SLC9A5: variants seen among roughly 807,000 people sequenced by gnomAD.
SLC9A5 encodes the protein solute carrier family 9 member A5.
SLC9A5 carries 52 observed loss-of-function variants against 91.7 expected under a neutral mutation model. That is an observed-to-expected ratio of 0.57 (90% confidence interval 0.45 to 0.71). The LOEUF (loss-of-function observed/expected upper bound fraction) is 0.71, where lower values mean the gene tolerates loss of function less well. Among genes scored for constraint, SLC9A5 ranks in the 30% least tolerant of loss-of-function variants. The probability of loss-of-function intolerance (pLI) is 0.00; values close to 1 mark genes in which losing one functional copy is unlikely to be tolerated. For missense variants in SLC9A5, 871 were observed against 1,158.9 expected (o/e 0.75, Z 3.61); for synonymous variants, 419 against 474.5 (o/e 0.88, Z 1.52).
At chr16:67,265,196 G>A (rs915735726) in intron 14 of SLC9A5, 90 bp downstream of exon 14, 1 of 1,259,472 alleles carries the variant, frequency 7.9e-7, no homozygotes, top group Non-Finnish European at 1.2e-6. Context: ...ACCCGCTGTA[G>A]GGTGCATTCA....
At position 67,252,420 on chromosome 16, in the gene SLC9A5, A is replaced by T; in HGVS notation, c.188-122A>T. 1 of 866,180 alleles carries T rather than the reference A, an allele frequency of 1.2e-6. No individual in the cohort carries two copies. Among genetic ancestry groups the T allele is most frequent in the Non-Finnish European group, 1.8e-6 (1 of 557,802 alleles). The allele number at this position is 866,180 out of a possible 1,614,324, so 53.7% of individuals were successfully genotyped here. ...AGCTGAGATTGTGCTACTGCACTCC[A>T]GCTTGGGCAACAGAGTGAGACTTCA... is the stretch of plus-strand genomic sequence containing the variant. On this transcript the variant is annotated intron_variant, in intron 1 of 15. Coordinates refer to ENST00000299798, the MANE Select transcript of SLC9A5 (RefSeq NM_004594.3). This position sits in a 1 kb window ranked among gnomAD's most constrained non-coding sequence, Gnocchi z 4.0.
Position 67,252,484 on chromosome 16 carries a change from CTG to C in SLC9A5, c.188-51_188-50del. 3 of 1,448,292 alleles carry C rather than the reference CTG, an allele frequency of 2.1e-6. No homozygotes were observed. Among genetic ancestry groups the C allele is most frequent in the Non-Finnish European group, 9.4e-7 (1 of 1,065,356 alleles). 89.7% of individuals were successfully genotyped at this position (1,448,292 alleles called of 1,614,324 possible). ...AAAACAAAACTGGGAGTTCATAGGC[CTG>C]TGTGTGGGAGGATATTCCATAAACT... On this transcript the variant is annotated intron_variant, in intron 1 of 15. Coordinates refer to ENST00000299798, the MANE Select transcript of SLC9A5 (RefSeq NM_004594.3). This position sits in a 1 kb window ranked among gnomAD's most constrained non-coding sequence, Gnocchi z 4.0.
intron 15 of SLC9A5, among the ~76,000 whole-genome samples, chr16:67,268,074 C>T (rs1597365284): frequency 1.3e-5 from 2 of 151,702 alleles, no homozygotes; most frequent in East Asian, 1.9e-4. Flanking sequence ...TGCAGTGGTG[C>T]GATCATAGCT....
Position 67,258,484 on chromosome 16 carries a change from G to C in SLC9A5, c.1626+37G>C. On this transcript the variant is annotated intron_variant, in intron 10 of 15. Coordinates refer to ENST00000299798, the MANE Select transcript of SLC9A5 (RefSeq NM_004594.3). The surrounding 1 kb of genome is among the most constrained non-coding windows in gnomAD (Gnocchi z 4.5). ...GCTTCCAGGTGGGCCAGTGGTGGGT[G>C]GGCAGATGGTCAGCAGAGCAGGACA... is the stretch of plus-strand genomic sequence containing the variant. 6.2e-7 allele frequency: 1 copy of C among 1,613,138 alleles called. No homozygotes were observed. Among genetic ancestry groups the C allele is most frequent in the African/African-American group, 1.3e-5 (1 of 75,038 alleles).
At position 67,255,375 on chromosome 16, in the gene SLC9A5, T is replaced by G. The variant is rs761376110; in HGVS notation, c.655-18T>G. On this transcript the variant is annotated intron_variant, in intron 3 of 15. Coordinates refer to ENST00000299798, the MANE Select transcript of SLC9A5 (RefSeq NM_004594.3). The surrounding 1 kb of genome is among the most constrained non-coding windows in gnomAD (Gnocchi z 4.9). ...GCTGCCTTCCCGCCTCACTGCTGACTCTCCTCTTCTCGCTCAGGTGCTGTA... is the reference window on the plus strand; with the variant it reads ...GCTGCCTTCCCGCCTCACTGCTGACGCTCCTCTTCTCGCTCAGGTGCTGTA... The G allele has an allele frequency of 6.2e-7, 1 of 1,604,252 alleles. No individual in the cohort carries two copies.
chr16:67,256,897 C>G lies in SLC9A5; in HGVS notation c.1133-14C>G. On this transcript the variant is annotated splice_polypyrimidine_tract_variant and intron_variant, in intron 6 of 15. Coordinates refer to ENST00000299798, the MANE Select transcript of SLC9A5 (RefSeq NM_004594.3). The surrounding 1 kb of genome is among the most constrained non-coding windows in gnomAD (Gnocchi z 4.1). ...CCCAACGCTTTGCTCCCACTGGCCT[C>G]CCTCCCGCTGTAGGCGTAGTCCTGC... 6.2e-7 allele frequency: 1 copy of G among 1,612,758 alleles called. No homozygotes were observed. The highest frequency in any genetic ancestry group is 1.1e-5 in the South Asian group (1 of 90,998).
chr16:67,260,269 C>T (rs1026419757), intron 12 of SLC9A5, among the ~76,000 whole-genome samples: 2 of 148,862 alleles, frequency 1.3e-5, no homozygotes, highest in African/African-American at 5.0e-5. Flanking sequence ...GCAGGAAAAT[C>T]GCTTGAACCC....
Position 67,249,161 on chromosome 16 carries a change from G to A in SLC9A5, c.147G>A (p.Leu49=). 1 of 1,564,272 alleles carries A rather than the reference G, an allele frequency of 6.4e-7. No individual in the cohort carries two copies. Among genetic ancestry groups the A allele is most frequent in the Non-Finnish European group, 8.6e-7 (1 of 1,161,022 alleles). Residue 49 remains leucine, a synonymous_variant, in exon 1 of 16, where the codon CTG becomes CTA. Transcript: ENST00000299798. ...WQWHEVEAPY[L]VALWILVASL... ...GGCACGAGGTGGAGGCGCCCTACCT[G>A]GTGGCCCTGTGGATCCTGGTGGCCA...
Position 67,259,020 on chromosome 16 carries a change from G to C in SLC9A5, c.1627-553G>C, listed in dbSNP as rs567998419. ...TCACACCTGTAATCCCAGCACTTTG[G>C]GGGGCCAAGGCGGGTGGATCATGAG... On this transcript the variant is annotated intron_variant, in intron 10 of 15. Transcript: ENST00000299798. Among the ~76,000 whole-genome samples, 121 of 151,822 alleles carry C rather than the reference G, an allele frequency of 8.0e-4. 1 individual carries two copies. The highest frequency in any genetic ancestry group is 1.2e-3 in the Non-Finnish European group (79 of 67,958).
Position 67,258,526 on chromosome 16 carries a change from A to G in SLC9A5, c.1626+79A>G, listed in dbSNP as rs568838051. ...AGCAGGACAGAAAGGGGTGGCAAGCAGGCTGGCCCTGAGCAGGGAGTTGGG... is the reference window on the plus strand; with the variant it reads ...AGCAGGACAGAAAGGGGTGGCAAGCGGGCTGGCCCTGAGCAGGGAGTTGGG... On this transcript the variant is annotated intron_variant, in intron 10 of 15. Coordinates refer to ENST00000299798, the MANE Select transcript of SLC9A5 (RefSeq NM_004594.3). The surrounding 1 kb of genome is among the most constrained non-coding windows in gnomAD (Gnocchi z 4.5). 54 of 1,546,402 alleles carry G rather than the reference A, an allele frequency of 3.5e-5. No individual in the cohort carries two copies. In the East Asian group the frequency reaches 1.2e-3, roughly 34 times the overall value.
At chr16:67,249,435 C>T (rs556906768) in intron 1 of SLC9A5, among the ~76,000 whole-genome samples, 5 of 152,330 alleles carry the variant, frequency 3.3e-5, no homozygotes, top group South Asian at 4.1e-4. Flanking sequence ...GGCTGTCCCC[C>T]GCTCTCCCCA....
rs2035817459 is a variant in SLC9A5, at chr16:67,268,695, TATATATATATATA to T, written c.2219-2042_2219-2030del. Among the ~76,000 whole-genome samples the T allele has an allele frequency of 2.0e-4, 18 of 91,634 alleles. 1 individual carries two copies. The highest frequency in any genetic ancestry group is 5.6e-4 in the African/African-American group (14 of 24,784). 60.1% of individuals were successfully genotyped at this position (91,634 alleles called of 152,430 possible). A position where few individuals can be genotyped will look rare whatever the true frequency, so the allele number is the denominator to read the frequency against. ...ATATATATATATATATATATATATA[TATATATATATATA>T]TATTTTTACAGTAGGCTTGTCCAAT... On this transcript the variant is annotated intron_variant, in intron 15 of 15. Coordinates refer to ENST00000299798, the MANE Select transcript of SLC9A5 (RefSeq NM_004594.3).
rs780107146 is a variant in SLC9A5 at position 67,256,919 on chromosome 16, C to G, written c.1141C>G (p.Leu381Val). 12 of 1,613,718 alleles carry G rather than the reference C, an allele frequency of 7.4e-6. No individual in the cohort carries two copies. Among genetic ancestry groups the G allele is most frequent in the Non-Finnish European group, 9.3e-6 (11 of 1,180,020 alleles). The change falls in exon 7 of 16, where the codon CTG becomes GTG. Residue 381 changes from leucine (L) to valine (V), a missense_variant. Around this residue, in one of 3 missense-constraint regions of SLC9A5, gnomAD observed 454 missense variants for 718.3 expected, o/e 0.63. Transcript: ENST00000299798. This position sits in a 1 kb window ranked among gnomAD's most constrained non-coding sequence, Gnocchi z 4.1. ...ILFFRALGVV[L>V]QTWVLNQFRL... ...CCTCCCTCCCGCTGTAGGCGTAGTC[C>G]TGCAGACCTGGGTGCTGAATCAGTT...
At chr16:67,263,073 G>A in intron 12 of SLC9A5, 1 of 152,810 alleles carries the variant, frequency 6.5e-6, no homozygotes. Context: ...AGAGGGGAGG[G>A]AGCCAAGTGG....
At position 67,256,890 on chromosome 16, in the gene SLC9A5, C is replaced by T. The variant is rs374793133; in HGVS notation, c.1133-21C>T. 6.2e-7 allele frequency: 1 copy of T among 1,611,610 alleles called. No homozygotes were observed. Among genetic ancestry groups the T allele is most frequent in the Non-Finnish European group, 8.5e-7 (1 of 1,178,882 alleles). On this transcript the variant is annotated intron_variant, in intron 6 of 15. Transcript: ENST00000299798. This position sits in a 1 kb window ranked among gnomAD's most constrained non-coding sequence, Gnocchi z 4.1. ...CTCCACTCCCAACGCTTTGCTCCCACTGGCCTCCCTCCCGCTGTAGGCGTA... is the reference window on the plus strand; with the variant it reads ...CTCCACTCCCAACGCTTTGCTCCCATTGGCCTCCCTCCCGCTGTAGGCGTA...
At position 67,252,093 on chromosome 16, in the gene SLC9A5, G is replaced by C. The variant is rs1057100739; in HGVS notation, c.188-449G>C. On this transcript the variant is annotated intron_variant, in intron 1 of 15. Coordinates refer to ENST00000299798, the MANE Select transcript of SLC9A5 (RefSeq NM_004594.3). This position sits in a 1 kb window ranked among gnomAD's most constrained non-coding sequence, Gnocchi z 4.0. ...CAGATGACTTTGACTGCAGGGGAGG[G>C]TTTGTAGCCCTGGAGATTGGAAATT... 3.3e-5 allele frequency among the ~76,000 whole-genome samples: 5 copies of C among 152,142 alleles called. No homozygotes were observed. The highest frequency in any genetic ancestry group is 1.3e-4 in the Admixed American group (2 of 15,274).
chr16:67,262,016 A>C (rs1597357766), intron 12 of SLC9A5: 2 of 316,720 alleles, frequency 6.3e-6, no homozygotes, highest in Middle Eastern at 1.1e-3. Context: ...GTTCATGTGT[A>C]GTCTGTTTTT....
chr16:67,265,003 G>A lies in SLC9A5; in HGVS notation c.2014-37G>A, dbSNP rs773781236. ...GATGACAGGGTTGGGGTGGGAAGCC[G>A]GGGCCAGAGGCTCAGGTTTTCTTTC... On this transcript the variant is annotated intron_variant, in intron 13 of 15. Transcript: ENST00000299798. 74 of 1,610,428 alleles carry A rather than the reference G, an allele frequency of 4.6e-5. No individual in the cohort carries two copies. The Admixed American group carries it at 9.0e-4, about 20-fold the overall frequency.
chr16:67,266,875 A>T (rs1597363858), intron 15 of SLC9A5, among the ~76,000 whole-genome samples: 3 of 128,372 alleles, frequency 2.3e-5, no homozygotes, highest in African/African-American at 3.0e-5. Flanking sequence ...TTTAAATGCC[A>T]TTCTTGCATT....
Sources: gnomAD v4.1 joint callset for allele counts (sites outside exome capture counted in the v4.1 genomes callset) on GRCh38, gnomAD v4.1.1 for gene constraint, gnomAD v4.1.1 regional missense constraint, Gnocchi (gnomAD v3.1) non-coding constraint, MANE v1.5 for transcripts, NCBI Gene and HGNC (gene_info 2026-07-23, HGNC 2026-07-21) for gene names.